Variants in SERAC1 observed in about 807,000 individuals in gnomAD.
The protein encoded by SERAC1 is serine active site containing 1.
Under a neutral mutation model 85.7 loss-of-function variants are expected in SERAC1, and 36 were observed. That is an observed-to-expected ratio of 0.42 (90% CI 0.32 to 0.55). The LOEUF is 0.55. SERAC1 is among the 20% of genes least tolerant of loss of function. The probability of loss-of-function intolerance (pLI) is 0.11; values close to 1 mark genes in which losing one functional copy is unlikely to be tolerated. For missense variants in SERAC1, 629 were observed against 796.2 expected (o/e 0.79, Z 2.53); for synonymous variants, 242 against 265.3 (o/e 0.91, Z 0.85).
intron 1 of SERAC1, among the ~76,000 whole-genome samples, chr6:158,164,171 T>G (rs1227147439): frequency 6.6e-6 from 1 of 151,796 alleles, no homozygotes; most frequent in Non-Finnish European, 1.5e-5. Flanking sequence ...AATTTCTATT[T>G]AAAAGCACCT....
intron 8 of SERAC1, among the ~76,000 whole-genome samples, chr6:158,132,164 G>A (rs1264151816): frequency 6.6e-6 from 1 of 152,054 alleles, no homozygotes; most frequent in Non-Finnish European, 1.5e-5. Flanking sequence ...ACAACTACAA[G>A]GTAATGGCTA....
At chr6:158,121,913 G>C (rs1583566056) in intron 10 of SERAC1, among the ~76,000 whole-genome samples, 1 of 152,042 alleles carries the variant, frequency 6.6e-6, no homozygotes, top group South Asian at 2.1e-4. Context: ...AATGCCCTTT[G>C]GAAAACTTAC....
At chr6:158,142,854 A>T (rs1235892574) in intron 8 of SERAC1, among the ~76,000 whole-genome samples, 1 of 152,144 alleles carries the variant, frequency 6.6e-6, no homozygotes. Flanking sequence ...AGGGCTCCTG[A>T]AATCACCTTT....
rs1300842989 is a variant in SERAC1, at chr6:158,110,035, T to C, written c.*1331A>G. ...CATGGGTATGGGGTTCTTTTGGGGA[T>C]GATGAAATAGCCTGAAATTAAATAG... is the stretch of plus-strand genomic sequence containing the variant. On this transcript the variant is annotated 3_prime_UTR_variant, in exon 17 of 17. Transcript: ENST00000647468. 1 of 152,160 alleles carries C rather than the reference T, an allele frequency of 6.6e-6. No homozygotes were observed. Among genetic ancestry groups the C allele is most frequent in the Non-Finnish European group, 1.5e-5 (1 of 68,036 alleles). 9.4% of individuals were successfully genotyped at this position (152,160 alleles called of 1,614,324 possible).
At chr6:158,160,254 C>A (rs1785457744) in intron 1 of SERAC1, among the ~76,000 whole-genome samples, 1 of 151,840 alleles carries the variant, frequency 6.6e-6, no homozygotes, top group Non-Finnish European at 1.5e-5. Context: ...TTATCTGAGT[C>A]CCTAGGAACG....
intron 8 of SERAC1, among the ~76,000 whole-genome samples, chr6:158,140,735 C>T (rs771610642): frequency 6.6e-6 from 1 of 152,096 alleles, no homozygotes; most frequent in Non-Finnish European, 1.5e-5. Flanking sequence ...GAGCCCTTAA[C>T]CTATGGGCTC....
intron 1 of SERAC1, among the ~76,000 whole-genome samples, chr6:158,163,729 T>TTTGTTGTTG (rs111396490): frequency 6.6e-6 from 1 of 151,668 alleles, no homozygotes; most frequent in Non-Finnish European, 1.5e-5. Context: ...ATGTAGGTTT[T>TTTGTTGTTG]TTGTTGTTTT....
intron 3 of SERAC1, among the ~76,000 whole-genome samples, chr6:158,151,794 G>C (rs913265125): frequency 6.6e-6 from 1 of 151,868 alleles, no homozygotes; most frequent in Non-Finnish European, 1.5e-5. Context: ...TTTTTGTATA[G>C]CTATACAACG....
intron 10 of SERAC1, among the ~76,000 whole-genome samples, chr6:158,124,782 C>CACACAG (rs1784502047): frequency 3.1e-5 from 4 of 129,772 alleles, no homozygotes; most frequent in African/African-American, 1.3e-4. Flanking sequence ...CACACACACA[C>CACACAG]ACACACATAC....
At chr6:158,126,375 C>T (rs1403963817) in intron 10 of SERAC1, among the ~76,000 whole-genome samples, 2 of 107,856 alleles carry the variant, frequency 1.9e-5, no homozygotes, top group Admixed American at 1.6e-4. Flanking sequence ...TTTGCTGGGG[C>T]TCCCATTAGT....
intron 1 of SERAC1, chr6:158,161,372 A>G (rs1041105046): frequency 6.7e-6 from 1 of 148,766 alleles, no homozygotes; most frequent in African/African-American, 2.5e-5. Flanking sequence ...ACAGAGTAAG[A>G]CTCTGTCTCA....
intron 1 of SERAC1, chr6:158,161,253 T>C (rs1308714949): frequency 6.6e-6 from 1 of 152,048 alleles, no homozygotes; most frequent in Non-Finnish European, 1.5e-5. Flanking sequence ...CCTGTTGGCA[T>C]GTGCCTGTAT....
At chr6:158,156,847 T>TA (rs1785351543) in intron 2 of SERAC1, among the ~76,000 whole-genome samples, 1 of 136,658 alleles carries the variant, frequency 7.3e-6, no homozygotes, top group Non-Finnish European at 1.5e-5. Context: ...TAAATATATT[T>TA]TATATATAAT....
At chr6:158,129,686 G>GT (rs1365533903) in intron 9 of SERAC1, among the ~76,000 whole-genome samples, 183 of 137,042 alleles carry the variant, frequency 1.3e-3, no homozygotes, top group African/African-American at 4.4e-3. Flanking sequence ...ATATTTCCTT[G>GT]TTTTTTTTTG....
chr6:158,113,423 C>A, intron 16 of SERAC1, 26 bp downstream of exon 16: 1 of 1,595,210 alleles, frequency 6.3e-7, no homozygotes, highest in East Asian at 2.2e-5. Context: ...CATCTAACAG[C>A]CAACAAGTTT....
chr6:158,119,373 T>C lies in SERAC1; in HGVS notation c.1167-203A>G, dbSNP rs1242403156. On this transcript the variant is annotated intron_variant, in intron 11 of 16. Transcript: ENST00000647468. The surrounding 1 kb of genome is among the most constrained non-coding windows in gnomAD (Gnocchi z 4.5). Reference sequence around the variant, plus strand: ...GACATACATGAAGCATGTTCACTGTTCTCTAAAAATGGAGACTATTCTAGT... The same window carrying C: ...GACATACATGAAGCATGTTCACTGTCCTCTAAAAATGGAGACTATTCTAGT... Among the ~76,000 whole-genome samples, 1 of 152,162 alleles carries C rather than the reference T, an allele frequency of 6.6e-6. No individual in the cohort carries two copies. The highest frequency in any genetic ancestry group is 1.5e-5 in the Non-Finnish European group (1 of 68,036).
intron 8 of SERAC1, among the ~76,000 whole-genome samples, chr6:158,136,334 T>C (rs1380133726): frequency 6.6e-6 from 1 of 152,232 alleles, no homozygotes; most frequent in South Asian, 2.1e-4. Context: ...ATCTTATGTA[T>C]TATATTTTAT....
chr6:158,154,159 CAAAAAAAAAAAA>C (rs3041474), intron 3 of SERAC1, among the ~76,000 whole-genome samples: 21 of 66,056 alleles, frequency 3.2e-4, no homozygotes, highest in Non-Finnish European at 4.9e-4. Context: ...AACTCTGTCT[CAAAAAAAAAAAA>C]AAAAAAAAAG....
intron 7 of SERAC1, among the ~76,000 whole-genome samples, chr6:158,143,611 A>G (rs1347782020): frequency 1.3e-5 from 2 of 151,940 alleles, no homozygotes; most frequent in African/African-American, 4.8e-5. Flanking sequence ...GAATTATTGC[A>G]CCCTTACTAA....
Sources: gnomAD v4.1 joint callset for allele counts (sites outside exome capture counted in the v4.1 genomes callset) on GRCh38, gnomAD v4.1.1 for gene constraint, Gnocchi (gnomAD v3.1) non-coding constraint, MANE v1.5 for transcripts, NCBI Gene and HGNC (gene_info 2026-07-23, HGNC 2026-07-21) for gene names.